The following PAM variants were observed in gnomAD, a reference collection of about 807,000 sequenced individuals.
The protein encoded by PAM is peptidylglycine alpha-amidating monooxygenase, also known as peptidyl-glycine alpha-amidating monooxygenase.
In PAM, 72 loss-of-function variants were observed where a neutral mutation model predicts 122.1. The observed-to-expected ratio is 0.59, with a 90% CI of 0.49 to 0.72. The LOEUF (loss-of-function observed/expected upper bound fraction) is 0.72, where lower values mean the gene tolerates loss of function less well. PAM is among the 30% of genes least tolerant of loss of function. The pLI is 0.00. For synonymous variants in PAM, 389 were observed against 404.4 expected (o/e 0.96, Z 0.46); for missense variants, 1,106 against 1,183.7 (o/e 0.93, Z 0.96).
chr5:102,852,480 A>G (rs1437584125), intron 1 of PAM, among the ~76,000 whole-genome samples: 1 of 152,060 alleles, frequency 6.6e-6, no homozygotes, highest in African/African-American at 2.4e-5. Flanking sequence ...ACCTTTCAAA[A>G]GGGTAACGGT....
chr5:102,988,028 A>G (rs547609068), intron 15 of PAM, among the ~76,000 whole-genome samples: 1 of 152,242 alleles, frequency 6.6e-6, no homozygotes, highest in Admixed American at 6.5e-5. Flanking sequence ...CTATATGATC[A>G]TTGTTAAATC....
At chr5:102,915,285 C>T (rs1802763242) in intron 5 of PAM, among the ~76,000 whole-genome samples, 2 of 152,088 alleles carry the variant, frequency 1.3e-5, no homozygotes, top group South Asian at 4.1e-4. Flanking sequence ...GCAGCAACTG[C>T]TCTCTTGTCG....
chr5:102,863,447 C>A (rs1363552957), intron 1 of PAM, among the ~76,000 whole-genome samples: 1 of 152,070 alleles, frequency 6.6e-6, no homozygotes, highest in Non-Finnish European at 1.5e-5. Context: ...AGGATTCTTT[C>A]CTTCTTCAAA....
At chr5:102,837,607 T>C (rs778647731) in intron 1 of PAM, 6 of 152,234 alleles carry the variant, frequency 3.9e-5, no homozygotes, top group South Asian at 2.1e-4. Context: ...TAATGCATTC[T>C]TGTCAATTAA....
At chr5:102,831,877 TC>T (rs1775565949) in intron 1 of PAM, among the ~76,000 whole-genome samples, 5 of 150,616 alleles carry the variant, frequency 3.3e-5, no homozygotes, top group Admixed American at 2.6e-4. Flanking sequence ...TAGTCTTCTC[TC>T]TCTCTCTCTC....
chr5:102,847,364 G>A (rs532535436), intron 1 of PAM, among the ~76,000 whole-genome samples: 21 of 152,102 alleles, frequency 1.4e-4, no homozygotes, highest in African/African-American at 4.1e-4. Context: ...TCTTGAACCC[G>A]GTGGGTGGAG....
intron 3 of PAM, among the ~76,000 whole-genome samples, chr5:102,900,251 GT>G (rs1797337120): frequency 2.4e-5 from 3 of 125,220 alleles, no homozygotes; most frequent in Non-Finnish European, 3.3e-5. Flanking sequence ...TAATGTGTGT[GT>G]GTGGGGGGGG....
At chr5:102,958,985 T>G (rs1394890258) in intron 12 of PAM, among the ~76,000 whole-genome samples, 1 of 152,114 alleles carries the variant, frequency 6.6e-6, no homozygotes, top group Non-Finnish European at 1.5e-5. Flanking sequence ...AAAAGTCTTG[T>G]GAAGGTGTAC....
chr5:102,846,016 T>C (rs1048314825), intron 1 of PAM, among the ~76,000 whole-genome samples: 1 of 152,168 alleles, frequency 6.6e-6, no homozygotes, highest in Non-Finnish European at 1.5e-5. Context: ...CTGAAGTATA[T>C]ACTAACTATA....
Position 102,916,537 on chromosome 5 carries a change from T to C in PAM, c.356+2516T>C, listed in dbSNP as rs145291477. Reference sequence around the variant, plus strand: ...GCCCAACACGTTTAAGTCTAACATTTAAAAGTAGGATCTTTTCAATATGTG... The same window carrying C: ...GCCCAACACGTTTAAGTCTAACATTCAAAAGTAGGATCTTTTCAATATGTG... On this transcript the variant is annotated intron_variant, in intron 5 of 25. Transcript: ENST00000438793. Among the ~76,000 whole-genome samples the C allele has an allele frequency of 3.9e-3, 591 of 151,318 alleles. 2 individuals carry two copies. Among genetic ancestry groups the C allele is most frequent in the African/African-American group, 0.014 (577 of 41,336 alleles).
chr5:102,894,521 C>A (rs967970105), intron 3 of PAM, among the ~76,000 whole-genome samples: 3 of 151,516 alleles, frequency 2.0e-5, no homozygotes, highest in African/African-American at 7.3e-5. Context: ...TCTGTCTACT[C>A]TCAATACGCT....
chr5:102,828,195 A>G (rs1366906967), intron 1 of PAM, among the ~76,000 whole-genome samples: 2 of 151,986 alleles, frequency 1.3e-5, no homozygotes, highest in Non-Finnish European at 2.9e-5. Flanking sequence ...AAAAGAAAAA[A>G]AAATAGCCAA....
intron 7 of PAM, among the ~76,000 whole-genome samples, chr5:102,935,096 C>G (rs1338182013): frequency 6.6e-6 from 1 of 151,974 alleles, no homozygotes; most frequent in Non-Finnish European, 1.5e-5. Flanking sequence ...TTGTAATACC[C>G]CTACTATTGA....
In PAM at chr5:102,911,523, ATAGT is replaced by A. The variant is rs368132055; in HGVS notation, c.269-2407_269-2404del. 3.9e-3 allele frequency among the ~76,000 whole-genome samples: 594 copies of A among 152,096 alleles called. 2 individuals are homozygous for A. Among genetic ancestry groups the A allele is most frequent in the African/African-American group, 0.013 (551 of 41,544 alleles). Reference sequence around the variant, plus strand: ...TGTCAGAAGGAGAAAAAATCAGAAAATAGTTAGAGAATTTATACTTTGATTAATT... The same window carrying A: ...TGTCAGAAGGAGAAAAAATCAGAAAATAGAGAATTTATACTTTGATTAATT... On this transcript the variant is annotated intron_variant, in intron 4 of 25. Coordinates refer to ENST00000438793, the MANE Select transcript of PAM (RefSeq NM_001177306.2).
intron 1 of PAM, among the ~76,000 whole-genome samples, chr5:102,781,923 A>G (rs923882342): frequency 1.3e-5 from 2 of 152,198 alleles, no homozygotes; most frequent in Non-Finnish European, 2.9e-5. Flanking sequence ...TATGTAAATG[A>G]GGCATCAGGA....
intron 12 of PAM, among the ~76,000 whole-genome samples, chr5:102,959,496 G>C (rs952763119): frequency 6.6e-6 from 1 of 152,054 alleles, no homozygotes. Context: ...AAATAATAAA[G>C]ATTTTCCACG....
At chr5:102,926,791 C>T (rs1749733152) in intron 7 of PAM, 123 bp downstream of exon 7, 1 of 582,532 alleles carries the variant, frequency 1.7e-6, no homozygotes, top group Non-Finnish European at 3.0e-6. Flanking sequence ...TAGGGGATAA[C>T]AGCTTTTGTT....
intron 1 of PAM, among the ~76,000 whole-genome samples, chr5:102,764,023 G>A (rs1753160097): frequency 6.6e-6 from 1 of 152,158 alleles, no homozygotes; most frequent in Non-Finnish European, 1.5e-5. Flanking sequence ...CAGTCTGGTG[G>A]TGGATACTGG....
Position 102,990,372 on chromosome 5 carries a change from C to T in PAM, c.1584C>T (p.Phe528=). The T allele has an allele frequency of 6.2e-7, 1 of 1,606,880 alleles. No individual in the cohort carries two copies. Among genetic ancestry groups the T allele is most frequent in the South Asian group, 1.1e-5 (1 of 89,994 alleles). Residue 528 remains phenylalanine (F), a synonymous_variant, in exon 16 of 26, where the codon TTC becomes TTT. Transcript: ENST00000438793. ...ALDPKNNLVI[F]HRGDHVWDGN... ...ACCCTAAGAATAACCTGGTGATTTT[C>T]CACAGAGGTGACCATGTCTGGGATG...
Sources: gnomAD v4.1 joint callset for allele counts (sites outside exome capture counted in the v4.1 genomes callset) on GRCh38, gnomAD v4.1.1 for gene constraint, MANE v1.5 for transcripts, NCBI Gene and HGNC (gene_info 2026-07-23, HGNC 2026-07-21) for gene names.